HIVEP1: variants seen among roughly 807,000 people sequenced by gnomAD.
The protein encoded by HIVEP1 is zinc finger protein 40.
HIVEP1 carries 36 observed loss-of-function variants against 180.0 expected under a neutral mutation model. The observed-to-expected ratio is 0.20, with a 90% confidence interval of 0.15 to 0.26. The LOEUF is 0.26. Ranked by LOEUF, HIVEP1 falls within the 10% of genes least tolerant of loss-of-function variation. The probability of loss-of-function intolerance (pLI) is 1.00; values close to 1 mark genes in which losing one functional copy is unlikely to be tolerated. For missense variants in HIVEP1, 3,143 were observed against 3,268.7 expected, an observed-to-expected ratio of 0.96 and a Z score of 0.94; for synonymous variants, 1,239 against 1,239.0, an observed-to-expected ratio of 1.00 and a Z score of 0.00.
chr6:12,086,527 C>T (rs1773135389), intron 2 of HIVEP1, among the ~76,000 whole-genome samples: 1 of 152,038 alleles, frequency 6.6e-6, no homozygotes, highest in African/African-American at 2.4e-5. Flanking sequence ...GTCTAACATG[C>T]CATTTTTTTC....
intron 7 of HIVEP1, among the ~76,000 whole-genome samples, chr6:12,153,601 A>G (rs1180610395): frequency 2.6e-5 from 4 of 151,690 alleles, no homozygotes; most frequent in Admixed American, 2.0e-4. Flanking sequence ...AAATAGATAC[A>G]AGATAAGAGC....
chr6:12,120,419 C>T lies in HIVEP1; in HGVS notation c.624C>T (p.Ser208=), dbSNP rs2228216. 9,543 of 1,614,094 alleles carry T rather than the reference C, an allele frequency of 5.9e-3. 449 individuals carry two copies. The African/African-American group carries it at 0.11, about 19-fold the overall frequency. ...VLLKAMEPEL[S]TLSQKGSPCA... ...TGAAAGCAATGGAGCCAGAACTGAGCACCTTGTCACAAAAGGGCTCACCTT... is the reference window on the plus strand; with the variant it reads ...TGAAAGCAATGGAGCCAGAACTGAGTACCTTGTCACAAAAGGGCTCACCTT... The change falls in exon 4 of 9, where the codon AGC becomes AGT. Residue 208 remains serine, a synonymous_variant. Transcript: ENST00000379388.
chr6:12,026,873 C>T (rs1328988521), intron 2 of HIVEP1, among the ~76,000 whole-genome samples: 2 of 152,156 alleles, frequency 1.3e-5, no homozygotes, highest in Non-Finnish European at 2.9e-5. Context: ...TCTTTAGTTT[C>T]TTCTTAGAGA....
downstream of HIVEP1, among the ~76,000 whole-genome samples, chr6:12,169,884 G>A (rs957244831): frequency 5.3e-5 from 8 of 152,104 alleles, no homozygotes; most frequent in African/African-American, 1.4e-4. Flanking sequence ...ACTTCGGGAG[G>A]CCAAGGTGGG....
At chr6:12,209,023 A>G in the HIVEP1 span, among the ~76,000 whole-genome samples, 3 of 152,114 alleles carry the variant, frequency 2.0e-5, no homozygotes, top group African/African-American at 7.2e-5. Context: ...CACACGTGCC[A>G]TTCCCTCTGC....
In HIVEP1 at chr6:12,078,634, T is replaced by TACAC. The variant is rs3070536; in HGVS notation, c.41-10536_41-10533dup. On this transcript the variant is annotated intron_variant, in intron 2 of 8. Transcript: ENST00000379388. Reference sequence around the variant, plus strand: ...AAAAAAAAAAATACATACATATATATACACACACACACACACATACATATA... The same window carrying TACAC: ...AAAAAAAAAAATACATACATATATATACACACACACACACACACACATACATATA... Among the ~76,000 whole-genome samples, 25 of 146,976 alleles carry TACAC rather than the reference T, an allele frequency of 1.7e-4. No individual in the cohort carries two copies. The South Asian group carries it at 2.8e-3, about 17-fold the overall frequency.
chr6:12,144,612 G>A (rs1456544747), intron 7 of HIVEP1, among the ~76,000 whole-genome samples: 1 of 152,130 alleles, frequency 6.6e-6, no homozygotes, highest in Non-Finnish European at 1.5e-5. Flanking sequence ...GAAAATTTTT[G>A]CAATCTACTC....
At chr6:12,029,381 C>T (rs1768789405) in intron 2 of HIVEP1, among the ~76,000 whole-genome samples, 1 of 152,212 alleles carries the variant, frequency 6.6e-6, no homozygotes, top group African/African-American at 2.4e-5. Context: ...GCTTTTTCAT[C>T]CAGTCCGACA....
At chr6:12,172,264 T>G in the HIVEP1 span, among the ~76,000 whole-genome samples, 1 of 152,080 alleles carries the variant, frequency 6.6e-6, no homozygotes, top group Non-Finnish European at 1.5e-5. Flanking sequence ...ACATTAGATA[T>G]TGTATTAAGG....
At chr6:12,033,038 A>G (rs1769054153) in intron 2 of HIVEP1, among the ~76,000 whole-genome samples, 1 of 152,188 alleles carries the variant, frequency 6.6e-6, no homozygotes, top group Non-Finnish European at 1.5e-5. Context: ...CCCTGACTTA[A>G]CCAATCGTTT....
chr6:12,135,386 T>G (rs9470991), intron 6 of HIVEP1, among the ~76,000 whole-genome samples: 45 of 152,118 alleles, frequency 3.0e-4, no homozygotes, highest in African/African-American at 1.1e-3. Context: ...CAATTAAAAG[T>G]AAAAAGCATG....
intron 2 of HIVEP1, among the ~76,000 whole-genome samples, chr6:12,088,508 A>G (rs781166120): frequency 3.3e-5 from 5 of 152,140 alleles, no homozygotes; most frequent in Non-Finnish European, 7.4e-5. Context: ...TTGTGCCCAG[A>G]GCCCCAGGTC....
chr6:12,016,907 T>C (rs1029360973), intron 2 of HIVEP1, among the ~76,000 whole-genome samples: 7 of 152,184 alleles, frequency 4.6e-5, no homozygotes, highest in African/African-American at 1.2e-4. Flanking sequence ...TTTGGAGACA[T>C]GGGCCCTGCT....
intron 3 of HIVEP1, among the ~76,000 whole-genome samples, chr6:12,111,939 A>T (rs1774922968): frequency 6.6e-6 from 1 of 152,218 alleles, no homozygotes; most frequent in African/African-American, 2.4e-5. Flanking sequence ...GGACAGTACA[A>T]CTTTACACTG....
chr6:12,183,195 C>G, the HIVEP1 span, among the ~76,000 whole-genome samples: 1 of 152,102 alleles, frequency 6.6e-6, no homozygotes, highest in African/African-American at 2.4e-5. Context: ...TCTACCAATC[C>G]TAGTTGTAAT....
intron 4 of HIVEP1, among the ~76,000 whole-genome samples, chr6:12,129,147 C>T (rs1758268782): frequency 6.6e-6 from 1 of 152,108 alleles, no homozygotes; most frequent in Non-Finnish European, 1.5e-5. Flanking sequence ...GAGTTTGAGG[C>T]TGCAGTGAGC....
At chr6:12,201,629 A>T in the HIVEP1 span, among the ~76,000 whole-genome samples, 14 of 152,352 alleles carry the variant, frequency 9.2e-5, no homozygotes, top group African/African-American at 3.4e-4. Context: ...GAAGCTGCTA[A>T]TAGGCTTCTC....
At chr6:12,101,099 A>G (rs1467105638) in intron 3 of HIVEP1, among the ~76,000 whole-genome samples, 1 of 152,188 alleles carries the variant, frequency 6.6e-6, no homozygotes, top group Non-Finnish European at 1.5e-5. Context: ...TAGAAAATGT[A>G]TTTATTTCAT....
intron 2 of HIVEP1, among the ~76,000 whole-genome samples, chr6:12,079,933 C>CATTT (rs1554139827): frequency 6.7e-6 from 1 of 149,140 alleles, no homozygotes; most frequent in Non-Finnish European, 1.5e-5. Context: ...TTCCTGATGG[C>CATTT]ATCTATCTAT....
Sources: gnomAD v4.1 joint callset for allele counts (sites outside exome capture counted in the v4.1 genomes callset) on GRCh38, gnomAD v4.1.1 for gene constraint, MANE v1.5 for transcripts, NCBI Gene and HGNC (gene_info 2026-07-23, HGNC 2026-07-21) for gene names.